Variants in FRMD5 observed in about 807,000 individuals in gnomAD.
The protein encoded by FRMD5 is FERM domain-containing protein 5.
A neutral mutation model predicts 69.0 loss-of-function variants in FRMD5; 20 were observed. That is an observed-to-expected ratio of 0.29 (90% CI 0.20 to 0.42). The LOEUF (loss-of-function observed/expected upper bound fraction) is 0.42, where lower values mean the gene tolerates loss of function less well. Ranked by LOEUF, FRMD5 falls within the 10% of genes least tolerant of loss-of-function variation. The pLI, the probability that FRMD5 is intolerant of heterozygous loss-of-function variation, is 1.00. For missense variants in FRMD5, 595 were observed against 708.6 expected (o/e 0.84, Z 1.82); for synonymous variants, 271 against 260.1 (o/e 1.04, Z -0.40).
At chr15:43,958,683 C>G (rs1433825271) in intron 1 of FRMD5, among the ~76,000 whole-genome samples, 1 of 152,192 alleles carries the variant, frequency 6.6e-6, no homozygotes, top group Non-Finnish European at 1.5e-5. Flanking sequence ...ATCTGCTCAC[C>G]TCCGCTGGGA....
At chr15:43,890,623 T>G (rs1321044350) in intron 8 of FRMD5, among the ~76,000 whole-genome samples, 1 of 152,190 alleles carries the variant, frequency 6.6e-6, no homozygotes, top group African/African-American at 2.4e-5. Flanking sequence ...AGCATTTTGT[T>G]GGACAGGAGA....
chr15:43,914,649 G>A (rs1451075535), intron 4 of FRMD5, among the ~76,000 whole-genome samples: 1 of 149,390 alleles, frequency 6.7e-6, no homozygotes, highest in Non-Finnish European at 1.5e-5. Context: ...TAACAATAAA[G>A]ACTCACATTT....
At chr15:44,084,859 T>C (rs148071086) in intron 1 of FRMD5, among the ~76,000 whole-genome samples, 52 of 152,286 alleles carry the variant, frequency 3.4e-4, no homozygotes, top group African/African-American at 1.2e-3. Context: ...CCCTGAGCTA[T>C]GAAACTCAGA....
chr15:44,018,235 A>G (rs918613690), intron 1 of FRMD5, among the ~76,000 whole-genome samples: 3 of 152,220 alleles, frequency 2.0e-5, no homozygotes, highest in African/African-American at 7.2e-5. Context: ...ACTTTTGACG[A>G]AAGTTAATAT....
intron 1 of FRMD5, among the ~76,000 whole-genome samples, chr15:43,970,746 C>A (rs554715018): frequency 6.6e-6 from 1 of 152,216 alleles, no homozygotes; most frequent in Non-Finnish European, 1.5e-5. Context: ...AGCCACCGTA[C>A]CTGCCATACC....
chr15:44,162,770 G>C (rs543654766), intron 1 of FRMD5, among the ~76,000 whole-genome samples: 4 of 151,600 alleles, frequency 2.6e-5, no homozygotes, highest in South Asian at 4.2e-4. Context: ...GGGAAGCTGA[G>C]GCAGGAGAAT....
chr15:43,946,172 C>G (rs1473634631), intron 1 of FRMD5, among the ~76,000 whole-genome samples: 1 of 152,148 alleles, frequency 6.6e-6, no homozygotes, highest in Non-Finnish European at 1.5e-5. Flanking sequence ...TCTCTCTCTT[C>G]TTTTAAAGGC....
intron 1 of FRMD5, among the ~76,000 whole-genome samples, chr15:44,164,386 T>A (rs2077674280): frequency 6.6e-6 from 1 of 152,132 alleles, no homozygotes; most frequent in African/African-American, 2.4e-5. Context: ...TTGGTCATTT[T>A]TTTTTTGCAG....
intron 1 of FRMD5, chr15:43,989,192 G>A (rs1889545386): frequency 2.4e-6 from 2 of 843,700 alleles, no homozygotes; most frequent in South Asian, 2.6e-5. Flanking sequence ...TTGCGCTTGG[G>A]AGGAGCAGTG....
chr15:44,186,370 A>T (rs1161393682), intron 1 of FRMD5, among the ~76,000 whole-genome samples: 3 of 152,154 alleles, frequency 2.0e-5, no homozygotes, highest in African/African-American at 7.2e-5. Context: ...TCAAAATTAG[A>T]CTGAGGCCCA....
intron 1 of FRMD5, among the ~76,000 whole-genome samples, chr15:44,004,883 T>G (rs1480430032): frequency 1.3e-5 from 2 of 152,200 alleles, no homozygotes; most frequent in Non-Finnish European, 2.9e-5. Context: ...AATTTGTAAA[T>G]GCAAAGGAAG....
chr15:44,052,680 A>G (rs971882145), intron 1 of FRMD5, among the ~76,000 whole-genome samples: 1 of 152,206 alleles, frequency 6.6e-6, no homozygotes, highest in Non-Finnish European at 1.5e-5. Flanking sequence ...TAGTCCCAAC[A>G]AAAGACACCA....
intron 1 of FRMD5, among the ~76,000 whole-genome samples, chr15:43,951,195 C>T (rs983866878): frequency 6.6e-6 from 1 of 151,944 alleles, no homozygotes; most frequent in African/African-American, 2.4e-5. Flanking sequence ...CCAAGGTGGG[C>T]AGATCAGAAG....
intron 4 of FRMD5, among the ~76,000 whole-genome samples, chr15:43,911,029 G>A (rs998079278): frequency 2.0e-5 from 3 of 152,204 alleles, no homozygotes; most frequent in Non-Finnish European, 4.4e-5. Context: ...TGTCACAGTG[G>A]AATGGAATTG....
chr15:43,913,033 CAAA>C (rs1242970072), intron 4 of FRMD5, among the ~76,000 whole-genome samples: 6 of 87,094 alleles, frequency 6.9e-5, no homozygotes, highest in East Asian at 3.1e-4. Context: ...AACTCCATCT[CAAA>C]AAAAAAAAAA....
chr15:44,065,462 C>G (rs1448029656), intron 1 of FRMD5, among the ~76,000 whole-genome samples: 1 of 152,134 alleles, frequency 6.6e-6, no homozygotes, highest in Non-Finnish European at 1.5e-5. Context: ...CTTTAAGTCA[C>G]CCAACCCAAA....
At chr15:44,149,847 A>C (rs2077415121) in intron 1 of FRMD5, among the ~76,000 whole-genome samples, 1 of 152,214 alleles carries the variant, frequency 6.6e-6, no homozygotes, top group Non-Finnish European at 1.5e-5. Context: ...ACAGTATTAA[A>C]AAATTACAGA....
In FRMD5 at chr15:43,883,735, C is replaced by T. The variant is rs375391381; in HGVS notation, c.1103G>A (p.Arg368His). 9 of 1,613,152 alleles carry T rather than the reference C, an allele frequency of 5.6e-6. No individual in the cohort carries two copies. The highest frequency in any genetic ancestry group is 4.5e-5 in the East Asian group (2 of 44,856). ...GATGGAGATGTGAACAGCTCTTCTG[C>T]GGGTCCTGGGGACGCTGCTCAGCCT... The part of the protein sequence containing the change: ...GPRLSSVPRT[R>H]RRAVHISIME... Residue 368 changes from arginine (R) to histidine (H), a missense_variant, in exon 13 of 14, where the codon CGC (arginine) becomes CAC (histidine). By Grantham distance (29) the Arg-to-His change is conservative. Coordinates refer to ENST00000417257, the MANE Select transcript of FRMD5 (RefSeq NM_032892.5).
intron 1 of FRMD5, among the ~76,000 whole-genome samples, chr15:43,950,593 C>T (rs1029653803): frequency 4.6e-5 from 7 of 152,208 alleles, no homozygotes; most frequent in Non-Finnish European, 7.3e-5. Flanking sequence ...TCAGTTTCAC[C>T]TGCAGCTCCT....
Sources: allele counts gnomAD v4.1 joint callset (sites outside exome capture counted in the v4.1 genomes callset), GRCh38; gene constraint gnomAD v4.1.1; transcripts MANE v1.5; gene names NCBI Gene and HGNC (gene_info 2026-07-23, HGNC 2026-07-21).